The following HS3ST4 variants were observed in gnomAD, a reference collection of about 807,000 sequenced individuals.
HS3ST4 encodes the protein heparan sulfate glucosamine 3-O-sulfotransferase 4.
Under a neutral mutation model 29.2 loss-of-function variants are expected in HS3ST4, and 17 were observed. That is an observed-to-expected ratio of 0.58 (90% CI 0.40 to 0.87). The LOEUF is 0.87. Among genes scored for constraint, HS3ST4 ranks in the 40% least tolerant of loss-of-function variants. The pLI, the probability that HS3ST4 is intolerant of heterozygous loss-of-function variation, is 0.00. For synonymous variants in HS3ST4, 314 were observed against 285.7 expected, an observed-to-expected ratio of 1.10 and a Z score of -1.00; for missense variants, 627 against 634.5, an observed-to-expected ratio of 0.99 and a Z score of 0.13.
chr16:25,708,067 A>T (rs1329371383), intron 1 of HS3ST4, among the ~76,000 whole-genome samples: 1 of 152,170 alleles, frequency 6.6e-6, no homozygotes, highest in Non-Finnish European at 1.5e-5. Context: ...TTCTGGAGAG[A>T]GGATCTAGTC....
intron 1 of HS3ST4, among the ~76,000 whole-genome samples, chr16:26,017,053 C>T (rs1396681793): frequency 1.3e-5 from 2 of 152,154 alleles, no homozygotes; most frequent in Admixed American, 1.3e-4. Flanking sequence ...AGCAGAGCCT[C>T]CTGCCAACCA....
rs533273753 is a variant in HS3ST4, at chr16:25,997,319, G to A, written c.735-138293G>A. 4.6e-5 allele frequency among the ~76,000 whole-genome samples: 7 copies of A among 152,264 alleles called. No individual in the cohort carries two copies. The South Asian group carries it at 1.5e-3, about 32-fold the overall frequency. The stretch of plus-strand genomic sequence containing the variant: ...TAAAGAGAGCTGTCAGGATCCCCAT[G>A]TGTCATTTTAATTTCAAAATCAACA... On this transcript the variant is annotated intron_variant, in intron 1 of 1. Coordinates refer to ENST00000331351, the MANE Select transcript of HS3ST4 (RefSeq NM_006040.3).
At chr16:25,793,509 T>A (rs1473477679) in intron 1 of HS3ST4, among the ~76,000 whole-genome samples, 1 of 152,022 alleles carries the variant, frequency 6.6e-6, no homozygotes, top group Non-Finnish European at 1.5e-5. Flanking sequence ...CCAGAAGGAA[T>A]GACCCTTTCA....
Position 25,869,361 on chromosome 16 carries a change from A to G in HS3ST4, c.734+176210A>G, listed in dbSNP as rs551826902. 1.2e-4 allele frequency among the ~76,000 whole-genome samples: 19 copies of G among 152,278 alleles called. No individual in the cohort carries two copies. In the South Asian group the frequency reaches 2.7e-3, roughly 22 times the overall value. ...CCATGTAGGGAGTGGGAATGGTCAA[A>G]GAGGGTTCAGGGGCTTAGGAAGCAG... On this transcript the variant is annotated intron_variant, in intron 1 of 1. Transcript: ENST00000331351.
At chr16:25,877,333 C>T (rs1445420838) in intron 1 of HS3ST4, among the ~76,000 whole-genome samples, 1 of 152,080 alleles carries the variant, frequency 6.6e-6, no homozygotes, top group Admixed American at 6.6e-5. Flanking sequence ...AGTCCAATGA[C>T]TGGTGTACTT....
chr16:25,878,530 C>T (rs531544685), intron 1 of HS3ST4, among the ~76,000 whole-genome samples: 2 of 152,254 alleles, frequency 1.3e-5, no homozygotes, highest in South Asian at 4.1e-4. Flanking sequence ...CAAAAATGGT[C>T]CAGCTGTCTT....
chr16:25,800,957 A>G (rs1007056549), intron 1 of HS3ST4, among the ~76,000 whole-genome samples: 12 of 152,146 alleles, frequency 7.9e-5, no homozygotes, highest in African/African-American at 2.4e-4. Context: ...ATACCTTTCT[A>G]TTATTTATAA....
rs1401610808 is a variant in HS3ST4 at position 26,136,837 on chromosome 16, G to A, written c.*589G>A. On this transcript the variant is annotated 3_prime_UTR_variant, in exon 2 of 2. Coordinates refer to ENST00000331351, the MANE Select transcript of HS3ST4 (RefSeq NM_006040.3). ...CCTCCCTCCCCACATCATGAAGGCA[G>A]AGGCATGCACATTCCTCACTGAAAA... The A allele has an allele frequency of 6.4e-6, 1 of 155,042 alleles. No homozygotes were observed. The highest frequency in any genetic ancestry group is 2.4e-5 in the African/African-American group (1 of 41,378). 9.6% of individuals were successfully genotyped at this position (155,042 alleles called of 1,614,324 possible).
intron 1 of HS3ST4, among the ~76,000 whole-genome samples, chr16:25,758,965 AAAAAACAAAAAAAC>A (rs1198584871): frequency 2.8e-5 from 1 of 35,626 alleles, no homozygotes; most frequent in African/African-American, 8.5e-5. Flanking sequence ...CAAAAAAAAC[AAAAAACAAAAAAAC>A]AAAAAAAAAC....
At chr16:25,696,735 G>A (rs1004171378) in intron 1 of HS3ST4, among the ~76,000 whole-genome samples, 16 of 152,280 alleles carry the variant, frequency 1.1e-4, no homozygotes, top group Non-Finnish European at 1.8e-4. Context: ...ACAAAGTCAC[G>A]CTTATGCTAC....
intron 1 of HS3ST4, among the ~76,000 whole-genome samples, chr16:25,947,040 G>A (rs566373304): frequency 6.6e-6 from 1 of 152,258 alleles, no homozygotes; most frequent in African/African-American, 2.4e-5. Context: ...TAAAAACAAT[G>A]GAATACATTA....
intron 1 of HS3ST4, among the ~76,000 whole-genome samples, chr16:25,929,769 A>G (rs1968445194): frequency 6.6e-6 from 1 of 152,202 alleles, no homozygotes; most frequent in Admixed American, 6.5e-5. Flanking sequence ...CAAAAACGTG[A>G]TTCTTTTTAA....
At chr16:25,863,433 A>G (rs1967659188) in intron 1 of HS3ST4, among the ~76,000 whole-genome samples, 1 of 152,026 alleles carries the variant, frequency 6.6e-6, no homozygotes, top group African/African-American at 2.4e-5. Flanking sequence ...CTCTCTCTTC[A>G]TGATGTTTTA....
chr16:25,696,129 T>C (rs768524649), intron 1 of HS3ST4, among the ~76,000 whole-genome samples: 2 of 152,232 alleles, frequency 1.3e-5, no homozygotes, highest in Non-Finnish European at 2.9e-5. Flanking sequence ...TGGATTGGGA[T>C]GCATGTGTTA....
chr16:25,733,027 T>G (rs1354203114), intron 1 of HS3ST4, among the ~76,000 whole-genome samples: 1 of 152,196 alleles, frequency 6.6e-6, no homozygotes, highest in East Asian at 1.9e-4. Context: ...ATTTATGGGT[T>G]GGAGGTGCCT....
At chr16:25,716,920 G>A (rs1026575619) in intron 1 of HS3ST4, among the ~76,000 whole-genome samples, 2 of 152,250 alleles carry the variant, frequency 1.3e-5, no homozygotes, top group South Asian at 4.1e-4. Flanking sequence ...CGGGCATGAT[G>A]GTGCACACCT....
At chr16:26,131,863 A>C (rs1350063786) in intron 1 of HS3ST4, among the ~76,000 whole-genome samples, 1 of 152,246 alleles carries the variant, frequency 6.6e-6, no homozygotes, top group Non-Finnish European at 1.5e-5. Flanking sequence ...CCATCTATTC[A>C]CTCAACAGAT....
intron 1 of HS3ST4, among the ~76,000 whole-genome samples, chr16:25,909,361 A>G (rs927069535): frequency 2.6e-5 from 4 of 151,852 alleles, no homozygotes; most frequent in Admixed American, 2.0e-4. Flanking sequence ...GCTAATTTTT[A>G]TATTTTTTGT....
rs146421450 is a variant in HS3ST4, at chr16:25,724,613, C to T, written c.734+31462C>T. On this transcript the variant is annotated intron_variant, in intron 1 of 1. Coordinates refer to ENST00000331351, the MANE Select transcript of HS3ST4 (RefSeq NM_006040.3). ...TCCTGAACTCGTGATCCCCCCACCT[C>T]GGCCTCCCAAAGTGCTGGGATTACA... is the stretch of plus-strand genomic sequence containing the variant. 8.0e-3 allele frequency among the ~76,000 whole-genome samples: 1,221 copies of T among 152,222 alleles called. 7 individuals are homozygous for T. The highest frequency in any genetic ancestry group is 0.031 in the Middle Eastern group (9 of 294).
Sources: gnomAD v4.1 joint callset for allele counts (sites outside exome capture counted in the v4.1 genomes callset) on GRCh38, gnomAD v4.1.1 for gene constraint, MANE v1.5 for transcripts, NCBI Gene and HGNC (gene_info 2026-07-23, HGNC 2026-07-21) for gene names.